Variants in GULP1 observed in about 807,000 individuals in gnomAD.
GULP1 encodes the protein PTB domain-containing engulfment adapter protein 1.
Under a neutral mutation model 40.9 loss-of-function variants are expected in GULP1, and 19 were observed. The observed-to-expected ratio is 0.46, with a 90% confidence interval of 0.32 to 0.68. GULP1 has a LOEUF of 0.68. Among genes scored for constraint, GULP1 ranks in the 30% least tolerant of loss-of-function variants. The pLI, the probability that GULP1 is intolerant of heterozygous loss-of-function variation, is 0.03. For synonymous variants in GULP1, 119 were observed against 117.6 expected, an observed-to-expected ratio of 1.01 and a Z score of -0.08; for missense variants, 312 against 362.2, an observed-to-expected ratio of 0.86 and a Z score of 1.12.
chr2:188,394,485 G>A (rs975427025), intron 2 of GULP1, among the ~76,000 whole-genome samples: 2 of 151,834 alleles, frequency 1.3e-5, no homozygotes, highest in African/African-American at 4.8e-5. Flanking sequence ...ATCTCCTTGA[G>A]TAGCTTAATT....
chr2:188,346,652 C>T (rs2043704766), intron 1 of GULP1, among the ~76,000 whole-genome samples: 1 of 151,526 alleles, frequency 6.6e-6, no homozygotes, highest in African/African-American at 2.4e-5. Context: ...GCCACCACGC[C>T]CGGCTAATTT....
At chr2:188,504,555 A>G (rs2063729493) in intron 4 of GULP1, among the ~76,000 whole-genome samples, 1 of 152,084 alleles carries the variant, frequency 6.6e-6, no homozygotes, top group East Asian at 1.9e-4. Context: ...AGAGAGTAAT[A>G]GGTATTTCTC....
At chr2:188,313,971 T>C (rs187560427) in intron 1 of GULP1, among the ~76,000 whole-genome samples, 23 of 151,920 alleles carry the variant, frequency 1.5e-4, no homozygotes, top group African/African-American at 5.1e-4. Flanking sequence ...TAAATTTTTT[T>C]CTTCTTTTAA....
At position 188,333,417 on chromosome 2, in the gene GULP1, A is replaced by G. The variant is rs190281803; in HGVS notation, c.-172+41251A>G. 1.5e-3 allele frequency among the ~76,000 whole-genome samples: 225 copies of G among 152,240 alleles called. 2 individuals are homozygous for G. Among genetic ancestry groups the G allele is most frequent in the Non-Finnish European group, 6.2e-4 (42 of 68,022 alleles). On this transcript the variant is annotated intron_variant, in intron 1 of 11. Transcript: ENST00000409830. ...ACAATATTTTGGGCAAATATCTCTT[A>G]CTAAGTAAGAGGCAATTGGTTTAGG...
intron 2 of GULP1, among the ~76,000 whole-genome samples, chr2:188,437,195 G>GCT (rs2057487393): frequency 6.6e-6 from 1 of 152,034 alleles, no homozygotes; most frequent in South Asian, 2.1e-4. Context: ...TAACACTTAT[G>GCT]CTTTCCAGGT....
intron 9 of GULP1, among the ~76,000 whole-genome samples, chr2:188,583,647 T>C (rs1020068345): frequency 1.3e-5 from 2 of 152,226 alleles, no homozygotes; most frequent in Non-Finnish European, 2.9e-5. Context: ...ACACTGGCGA[T>C]TATTAATTTA....
chr2:188,356,244 A>G (rs1410317443), intron 1 of GULP1, among the ~76,000 whole-genome samples: 2 of 152,102 alleles, frequency 1.3e-5, no homozygotes, highest in African/African-American at 4.8e-5. Flanking sequence ...AAGGAAATGA[A>G]ATTGTTTCTG....
intron 1 of GULP1, among the ~76,000 whole-genome samples, chr2:188,375,380 C>T (rs762297470): frequency 7.8e-4 from 118 of 152,152 alleles, no homozygotes; most frequent in Non-Finnish European, 1.2e-3. Flanking sequence ...TGGATATTAA[C>T]ATGAACAAAA....
At chr2:188,546,587 CTAATT>C (rs1472314634) in intron 7 of GULP1, among the ~76,000 whole-genome samples, 1 of 151,930 alleles carries the variant, frequency 6.6e-6, no homozygotes, top group Non-Finnish European at 1.5e-5. Flanking sequence ...AAATCTGTAA[CTAATT>C]TAATACATTA....
intron 7 of GULP1, among the ~76,000 whole-genome samples, chr2:188,562,417 C>T (rs934566298): frequency 1.3e-5 from 2 of 152,114 alleles, no homozygotes; most frequent in East Asian, 3.9e-4. Flanking sequence ...TCCTTCCTTG[C>T]TTTTGGTGTT....
At chr2:188,549,343 A>C (rs1363191851) in intron 7 of GULP1, among the ~76,000 whole-genome samples, 1 of 151,850 alleles carries the variant, frequency 6.6e-6, no homozygotes, top group Non-Finnish European at 1.5e-5. Context: ...ACAAAAGACA[A>C]CAAGATGCAT....
chr2:188,312,441 T>C (rs2038331992), intron 1 of GULP1, among the ~76,000 whole-genome samples: 1 of 152,162 alleles, frequency 6.6e-6, no homozygotes, highest in Non-Finnish European at 1.5e-5. Flanking sequence ...GATGATGGCT[T>C]CCAGCTTCAT....
At chr2:188,462,289 G>A (rs765825949) in intron 2 of GULP1, among the ~76,000 whole-genome samples, 11 of 152,076 alleles carry the variant, frequency 7.2e-5, no homozygotes, top group Non-Finnish European at 1.5e-4. Flanking sequence ...CTGAAGAGAT[G>A]CTTGATATTA....
At chr2:188,318,465 A>C (rs1353680561) in intron 1 of GULP1, among the ~76,000 whole-genome samples, 1 of 152,148 alleles carries the variant, frequency 6.6e-6, no homozygotes, top group Non-Finnish European at 1.5e-5. Flanking sequence ...TTCTTTCAAT[A>C]AACTCCATAT....
At chr2:188,471,202 G>T (rs2060560549) in intron 2 of GULP1, among the ~76,000 whole-genome samples, 1 of 151,970 alleles carries the variant, frequency 6.6e-6, no homozygotes, top group Non-Finnish European at 1.5e-5. Context: ...TCTTGGCATG[G>T]AATACCTTTA....
chr2:188,483,347 G>A, intron 3 of GULP1, 84 bp from the exon 4 acceptor site: 1 of 615,276 alleles, frequency 1.6e-6, no homozygotes, highest in Non-Finnish European at 3.0e-6. Context: ...AATACTCTGT[G>A]TCCTAAATTA....
chr2:188,510,128 C>T (rs2064354191), intron 4 of GULP1, among the ~76,000 whole-genome samples: 1 of 151,954 alleles, frequency 6.6e-6, no homozygotes, highest in Admixed American at 6.6e-5. Context: ...CTCAAGAGAG[C>T]TCAGAGGGCA....
chr2:188,299,049 A>G (rs566279351), intron 1 of GULP1, among the ~76,000 whole-genome samples: 2 of 152,154 alleles, frequency 1.3e-5, no homozygotes, highest in African/African-American at 4.8e-5. Flanking sequence ...ACAGTCTAAG[A>G]TAATTCCAAC....
intron 11 of GULP1, 143 bp downstream of exon 11, chr2:188,588,092 A>C (rs1269973541): frequency 1.5e-6 from 1 of 686,668 alleles, no homozygotes; most frequent in Admixed American, 2.1e-5. Flanking sequence ...TAAAATAATA[A>C]TGTACAGTTA....
Sources: gnomAD v4.1 joint callset for allele counts (sites outside exome capture counted in the v4.1 genomes callset) on GRCh38, gnomAD v4.1.1 for gene constraint, MANE v1.5 for transcripts, NCBI Gene and HGNC (gene_info 2026-07-23, HGNC 2026-07-21) for gene names.